CPNE5: variants seen among roughly 807,000 people sequenced by gnomAD.
The protein encoded by CPNE5 is copine-5.
In CPNE5, 42 loss-of-function variants were observed where a neutral mutation model predicts 81.1. The ratio of observed to expected loss-of-function variants is 0.52; its 90% CI spans 0.40 to 0.67. The LOEUF is 0.67. Ranked by LOEUF, CPNE5 falls within the 30% of genes least tolerant of loss-of-function variation. CPNE5 has a pLI of 0.00. For missense variants in CPNE5, 612 were observed against 815.5 expected (o/e 0.75, Z 3.04); for synonymous variants, 313 against 321.5 (o/e 0.97, Z 0.28).
rs987754306 is a variant in CPNE5 at position 36,823,175 on chromosome 6, G to T, written c.96-77C>A. On this transcript the variant is annotated intron_variant, in intron 1 of 20. Coordinates refer to ENST00000244751, the MANE Select transcript of CPNE5 (RefSeq NM_020939.2). ...ACCTCAGGGGATTCAGGCTGTTACC[G>T]AGACCCAGAGGCTGCCTCTGGCCTG... 11 of 1,270,782 alleles carry T rather than the reference G, an allele frequency of 8.7e-6. No individual in the cohort carries two copies. The African/African-American group carries it at 1.4e-4, about 16-fold the overall frequency. 78.7% of individuals were successfully genotyped at this position (1,270,782 alleles called of 1,614,324 possible).
intron 4 of CPNE5, among the ~76,000 whole-genome samples, chr6:36,799,513 C>T (rs1294019674): frequency 2.0e-5 from 3 of 152,210 alleles, no homozygotes; most frequent in African/African-American, 4.8e-5. Context: ...CATGTTCCGA[C>T]GGATGCTGGA....
intron 20 of CPNE5, 50 bp from the exon 21 acceptor site, chr6:36,742,536 C>G: frequency 6.3e-7 from 1 of 1,578,444 alleles, no homozygotes; most frequent in Non-Finnish European, 8.6e-7. Context: ...GGGACCCTGG[C>G]CCCCAAAATC....
chr6:36,761,232 CAA>C (rs1765998616), intron 12 of CPNE5, among the ~76,000 whole-genome samples: 1 of 152,212 alleles, frequency 6.6e-6, no homozygotes, highest in South Asian at 2.1e-4. Context: ...GGAGCGGGGA[CAA>C]AGACAGCTTC....
In CPNE5 at chr6:36,746,524, C is replaced by T. The variant is rs772349378; in HGVS notation, c.1072G>A (p.Ala358Thr). ...ACGGCAGTCAGCGCCAGCGCGTAGGCGTTCAGCTGGTAGGGGCTCATGTAG... is the reference window on the plus strand; with the variant it reads ...ACGGCAGTCAGCGCCAGCGCGTAGGTGTTCAGCTGGTAGGGGCTCATGTAG... ...LHYMSPYQLN[A>T]YALALTAVGE... The change falls in exon 16 of 21, where the codon GCC becomes ACC. Residue 358 changes from alanine to threonine, a missense_variant. Transcript: ENST00000244751. The surrounding 1 kb of genome is among the most constrained non-coding windows in gnomAD (Gnocchi z 4.5). 2.5e-5 allele frequency: 40 copies of T among 1,613,574 alleles called. No individual in the cohort carries two copies. Among genetic ancestry groups the T allele is most frequent in the Middle Eastern group, 1.6e-4 (1 of 6,076 alleles).
intron 1 of CPNE5, among the ~76,000 whole-genome samples, chr6:36,829,376 A>C (rs148583238): frequency 0.034 from 5,124 of 152,200 alleles, 306 homozygotes; most frequent in African/African-American, 0.11. Flanking sequence ...GTGTATCTGT[A>C]GTCCCAGCTA....
chr6:36,794,675 G>A (rs748482882), intron 6 of CPNE5, 26 bp from the exon 7 acceptor site: 1 of 1,611,084 alleles, frequency 6.2e-7, no homozygotes. Flanking sequence ...GGGAGAGAGA[G>A]CATGCCATGA....
At chr6:36,830,961 T>C (rs1442784687) in intron 1 of CPNE5, among the ~76,000 whole-genome samples, 1 of 152,212 alleles carries the variant, frequency 6.6e-6, no homozygotes, top group Non-Finnish European at 1.5e-5. Flanking sequence ...CTCAGTAGTC[T>C]TCTGCCTAGC....
chr6:36,744,357 T>A, intron 18 of CPNE5, 32 bp from the exon 19 acceptor site: 1 of 1,537,548 alleles, frequency 6.5e-7, no homozygotes. Context: ...AGGGAAAGGT[T>A]GGACCCAATT....
intron 14 of CPNE5, 133 bp from the exon 15 acceptor site, chr6:36,748,400 C>A (rs756011601): frequency 1.3e-6 from 1 of 762,864 alleles, no homozygotes; most frequent in East Asian, 2.6e-5. Context: ...AGTCATTCAT[C>A]TCTTTCTAGT....
intron 1 of CPNE5, among the ~76,000 whole-genome samples, chr6:36,831,407 G>A (rs573171644): frequency 6.6e-6 from 1 of 151,930 alleles, no homozygotes; most frequent in Non-Finnish European, 1.5e-5. Context: ...AGGCTGGAGT[G>A]CAGTGGTACA....
intron 8 of CPNE5, among the ~76,000 whole-genome samples, chr6:36,780,157 G>A (rs1253925012): frequency 3.3e-5 from 5 of 152,076 alleles, no homozygotes; most frequent in Non-Finnish European, 5.9e-5. Context: ...TAGAGATGGG[G>A]TTTCACTGTG....
At chr6:36,815,735 T>C (rs912228544) in intron 3 of CPNE5, among the ~76,000 whole-genome samples, 4 of 152,260 alleles carry the variant, frequency 2.6e-5, no homozygotes, top group Admixed American at 2.6e-4. Context: ...TCATTCAGAA[T>C]ATTTAGAGAT....
At chr6:36,796,727 A>C (rs549468461) in intron 6 of CPNE5, among the ~76,000 whole-genome samples, 1 of 152,318 alleles carries the variant, frequency 6.6e-6, no homozygotes, top group African/African-American at 2.4e-5. Context: ...AGAGACCCCC[A>C]AAACAGGGGT....
At chr6:36,835,335 G>A (rs528078652) in intron 1 of CPNE5, among the ~76,000 whole-genome samples, 9 of 152,304 alleles carry the variant, frequency 5.9e-5, no homozygotes, top group African/African-American at 1.2e-4. Context: ...TGATTGACTC[G>A]GCAGGATGGC....
At position 36,743,699 on chromosome 6, in the gene CPNE5, T is replaced by A; in HGVS notation, c.1553A>T (p.Asp518Val). ...AGGCCTGGGCTTCACCTGGACGATG[T>A]CGCGTTCAGCCAGCTTCCCCCGGGA... ...ISSRGKLAER[D>V]IVQFVPFRDY... Residue 518 changes from aspartate to valine, a missense_variant, in exon 20 of 21, where the codon GAC (aspartate) becomes GTC (valine). By Grantham distance (152) the Asp-to-Val change is radical. Coordinates refer to ENST00000244751, the MANE Select transcript of CPNE5 (RefSeq NM_020939.2). 1 of 1,613,548 alleles carries A rather than the reference T, an allele frequency of 6.2e-7. No individual in the cohort carries two copies. The highest frequency in any genetic ancestry group is 8.5e-7 in the Non-Finnish European group (1 of 1,179,966).
chr6:36,814,177 C>T (rs539642828), intron 3 of CPNE5, among the ~76,000 whole-genome samples: 1 of 152,172 alleles, frequency 6.6e-6, no homozygotes, highest in East Asian at 1.9e-4. Flanking sequence ...GAACGGCCTA[C>T]CCCAAAGGTC....
intron 14 of CPNE5, among the ~76,000 whole-genome samples, chr6:36,749,952 G>A (rs1368283730): frequency 6.6e-6 from 1 of 152,218 alleles, no homozygotes; most frequent in East Asian, 1.9e-4. Flanking sequence ...CCCTGATAAA[G>A]TCTAGTCTTA....
At position 36,742,506 on chromosome 6, in the gene CPNE5, G is replaced by A. The variant is rs1322152243; in HGVS notation, c.1564-20C>T. 1.2e-6 allele frequency: 2 copies of A among 1,602,454 alleles called. No individual in the cohort carries two copies. The highest frequency in any genetic ancestry group is 1.7e-5 in the Admixed American group (1 of 59,846). On this transcript the variant is annotated intron_variant, in intron 20 of 20. Transcript: ENST00000244751. ...TACAAACTGGCAAGTGGGAGGGCAG[G>A]GTCAGGCAGTGCCTCCTGTGGGACC...
chr6:36,746,769 C>G lies in CPNE5; in HGVS notation c.1019-192G>C, dbSNP rs370534378. Among the ~76,000 whole-genome samples the G allele has an allele frequency of 2.6e-5, 4 of 152,088 alleles. No individual in the cohort carries two copies. The highest frequency in any genetic ancestry group is 2.6e-4 in the Admixed American group (4 of 15,280). On this transcript the variant is annotated intron_variant, in intron 15 of 20. Transcript: ENST00000244751. The surrounding 1 kb of genome is among the most constrained non-coding windows in gnomAD (Gnocchi z 4.5). Reference sequence around the variant, plus strand: ...TCCCTCCTCCGCCTCTCCTCCTCCCCATACCACCACCCTCTTGCTTATAGG... The same window carrying G: ...TCCCTCCTCCGCCTCTCCTCCTCCCGATACCACCACCCTCTTGCTTATAGG...
Sources: allele counts gnomAD v4.1 joint callset (sites outside exome capture counted in the v4.1 genomes callset), GRCh38; gene constraint gnomAD v4.1.1; non-coding constraint Gnocchi (gnomAD v3.1); transcripts MANE v1.5; gene names NCBI Gene and HGNC (gene_info 2026-07-23, HGNC 2026-07-21).